Variants in AGBL4 observed in about 807,000 individuals in gnomAD.
AGBL4 encodes the protein cytosolic carboxypeptidase 6.
A neutral mutation model predicts 66.4 loss-of-function variants in AGBL4; 58 were observed. That is an observed-to-expected ratio of 0.87 (90% confidence interval 0.71 to 1.09). The LOEUF (loss-of-function observed/expected upper bound fraction) is 1.09, where lower values mean the gene tolerates loss of function less well. Ranked by LOEUF, AGBL4 falls within the 50% of genes least tolerant of loss-of-function variation. The pLI is 0.00. For missense variants in AGBL4, 579 were observed against 631.0 expected (o/e 0.92, Z 0.88); for synonymous variants, 234 against 222.9 (o/e 1.05, Z -0.44).
At chr1:49,041,792 C>T (rs950596123) in intron 5 of AGBL4, among the ~76,000 whole-genome samples, 2 of 152,008 alleles carry the variant, frequency 1.3e-5, no homozygotes, top group African/African-American at 2.4e-5. Context: ...GAGTTTTGCC[C>T]GAATCTTCTT....
intron 1 of AGBL4, among the ~76,000 whole-genome samples, chr1:49,981,257 C>A (rs906155425): frequency 6.6e-6 from 1 of 152,020 alleles, no homozygotes; most frequent in African/African-American, 2.4e-5. Flanking sequence ...AGAAAGCAAA[C>A]CTGGAAAATG....
intron 3 of AGBL4, among the ~76,000 whole-genome samples, chr1:49,502,987 A>G (rs1011154221): frequency 6.6e-6 from 1 of 152,140 alleles, no homozygotes; most frequent in Non-Finnish European, 1.5e-5. Flanking sequence ...CAGCAAGACA[A>G]TGGGAAAAAT....
chr1:48,759,485 G>T, intron 6 of AGBL4: 2 of 1,081,418 alleles, frequency 1.8e-6, no homozygotes, highest in Non-Finnish European at 2.5e-6. Flanking sequence ...GGGGTTCCGA[G>T]TGGGGAAGGG....
chr1:48,807,447 G>GA (rs1645950825), intron 6 of AGBL4, among the ~76,000 whole-genome samples: 1 of 152,228 alleles, frequency 6.6e-6, no homozygotes, highest in Non-Finnish European at 1.5e-5. Context: ...GTGGCTCAGG[G>GA]AGATGGGGAC....
At chr1:49,054,398 C>A (rs559787050) in intron 4 of AGBL4, among the ~76,000 whole-genome samples, 1 of 151,950 alleles carries the variant, frequency 6.6e-6, no homozygotes, top group East Asian at 1.9e-4. Context: ...AAAAGTTAAA[C>A]ATTAAAGAAA....
chr1:49,641,981 G>A (rs1384986333), intron 3 of AGBL4, among the ~76,000 whole-genome samples: 1 of 151,848 alleles, frequency 6.6e-6, no homozygotes, highest in Non-Finnish European at 1.5e-5. Flanking sequence ...ATATTTATAT[G>A]CTTTCAAGTA....
intron 1 of AGBL4, among the ~76,000 whole-genome samples, chr1:49,925,393 A>G (rs994886455): frequency 5.3e-5 from 8 of 152,148 alleles, no homozygotes; most frequent in African/African-American, 1.9e-4. Context: ...AGCAACAACC[A>G]GGTGGTACAG....
chr1:49,701,092 A>G (rs1364230602), intron 2 of AGBL4, among the ~76,000 whole-genome samples: 2 of 152,218 alleles, frequency 1.3e-5, no homozygotes, highest in South Asian at 2.1e-4. Context: ...TGAATTCATC[A>G]GGATGGTAAA....
chr1:48,892,548 G>C (rs758931519), intron 5 of AGBL4, among the ~76,000 whole-genome samples: 1 of 152,082 alleles, frequency 6.6e-6, no homozygotes, highest in Non-Finnish European at 1.5e-5. Flanking sequence ...CATTGGTTCC[G>C]TCTGAAAAGG....
intron 4 of AGBL4, among the ~76,000 whole-genome samples, chr1:49,177,952 T>G (rs753653614): frequency 2.0e-5 from 3 of 152,284 alleles, no homozygotes; most frequent in Non-Finnish European, 4.4e-5. Flanking sequence ...GGCCTACATC[T>G]TCAGGTTTCA....
At chr1:49,112,518 T>C (rs1275564126) in intron 4 of AGBL4, among the ~76,000 whole-genome samples, 1 of 152,240 alleles carries the variant, frequency 6.6e-6, no homozygotes, top group Non-Finnish European at 1.5e-5. Context: ...CTCTGTAGCA[T>C]GCGATACTGT....
At chr1:49,283,466 C>A (rs1390286252) in intron 3 of AGBL4, among the ~76,000 whole-genome samples, 1 of 152,206 alleles carries the variant, frequency 6.6e-6, no homozygotes, top group Non-Finnish European at 1.5e-5. Flanking sequence ...GAGCGTCTCT[C>A]CTCCTCCAAA....
intron 3 of AGBL4, among the ~76,000 whole-genome samples, chr1:49,487,049 C>T (rs1016504145): frequency 1.3e-5 from 2 of 151,874 alleles, no homozygotes; most frequent in Non-Finnish European, 2.9e-5. Context: ...CATAGTACCT[C>T]TCAAAACAGA....
At chr1:48,985,347 CAG>C (rs1660098341) in intron 5 of AGBL4, among the ~76,000 whole-genome samples, 1 of 151,932 alleles carries the variant, frequency 6.6e-6, no homozygotes, top group African/African-American at 2.4e-5. Context: ...GAGTAGAAGA[CAG>C]AAAAAATTAA....
At chr1:48,528,433 T>C (rs1385242935), downstream of AGBL4, among the ~76,000 whole-genome samples, 1 of 152,118 alleles carries the variant, frequency 6.6e-6, no homozygotes, top group Non-Finnish European at 1.5e-5. Flanking sequence ...CCCAGGTCTT[T>C]AGGGGAACAA....
chr1:49,477,253 C>T (rs529619740), intron 3 of AGBL4, among the ~76,000 whole-genome samples: 4 of 152,094 alleles, frequency 2.6e-5, no homozygotes, highest in Admixed American at 2.0e-4. Flanking sequence ...TACAGCAGAC[C>T]TTGGGCAAGA....
intron 9 of AGBL4, among the ~76,000 whole-genome samples, chr1:48,614,599 A>G (rs975579141): frequency 6.6e-6 from 1 of 152,188 alleles, no homozygotes; most frequent in Non-Finnish European, 1.5e-5. Flanking sequence ...ATGTGGGCAA[A>G]TATGCCCCTT....
intron 3 of AGBL4, among the ~76,000 whole-genome samples, chr1:49,355,120 C>T (rs1420750712): frequency 4.6e-5 from 7 of 152,176 alleles, no homozygotes; most frequent in South Asian, 2.1e-4. Context: ...TGGCCCTAGC[C>T]AGGAATCAAC....
intron 9 of AGBL4, among the ~76,000 whole-genome samples, chr1:48,615,977 T>C (rs1473356191): frequency 6.6e-6 from 1 of 152,168 alleles, no homozygotes; most frequent in African/African-American, 2.4e-5. Flanking sequence ...CAAAATGTTC[T>C]TGCTAGTTCC....
Sources: allele counts gnomAD v4.1 joint callset (sites outside exome capture counted in the v4.1 genomes callset), GRCh38; gene constraint gnomAD v4.1.1; transcripts MANE v1.5; gene names NCBI Gene and HGNC (gene_info 2026-07-23, HGNC 2026-07-21).